The following RABGEF1 variants were observed in gnomAD, a reference collection of about 807,000 sequenced individuals.
The protein encoded by RABGEF1 is rab5 GDP/GTP exchange factor.
In RABGEF1, 26 loss-of-function variants were observed where a neutral mutation model predicts 57.3. The observed-to-expected ratio is 0.45, with a 90% CI of 0.33 to 0.63. RABGEF1 has a LOEUF of 0.63. RABGEF1 is among the 20% of genes least tolerant of loss of function. The pLI, the probability that RABGEF1 is intolerant of heterozygous loss-of-function variation, is 0.02. For missense variants in RABGEF1, 464 were observed against 607.6 expected (o/e 0.76, Z 2.48); for synonymous variants, 185 against 210.7 (o/e 0.88, Z 1.06).
chr7:66,794,307 C>T (rs1444441755), intron 4 of RABGEF1, among the ~76,000 whole-genome samples: 2 of 126,750 alleles, frequency 1.6e-5, no homozygotes, highest in Non-Finnish European at 3.3e-5. Flanking sequence ...TCTCCCCTTT[C>T]TTTCTTTCCT....
At chr7:66,762,112 G>T (rs1392673615) in intron 1 of RABGEF1, among the ~76,000 whole-genome samples, 1 of 151,876 alleles carries the variant, frequency 6.6e-6, no homozygotes, top group African/African-American at 2.4e-5. Flanking sequence ...GGCTATGGTA[G>T]TTACCAGCCA....
the RABGEF1 span, among the ~76,000 whole-genome samples, chr7:66,675,819 C>T: frequency 6.6e-6 from 1 of 152,054 alleles, no homozygotes; most frequent in South Asian, 2.1e-4. Context: ...AAGAACATTT[C>T]ATGTATGACA....
intron 4 of RABGEF1, among the ~76,000 whole-genome samples, chr7:66,792,669 G>GCAGT (rs1812997617): frequency 6.6e-6 from 1 of 152,110 alleles, no homozygotes; most frequent in African/African-American, 2.4e-5. Context: ...CAAAACAAAG[G>GCAGT]CAGTCATTGC....
the RABGEF1 span, among the ~76,000 whole-genome samples, chr7:66,676,695 C>T: frequency 1.3e-5 from 2 of 152,284 alleles, no homozygotes; most frequent in Middle Eastern, 3.4e-3. Flanking sequence ...TCAAGCGATT[C>T]TGCCACCTCA....
intron 1 of RABGEF1, among the ~76,000 whole-genome samples, chr7:66,760,916 A>G (rs985498919): frequency 2.0e-5 from 3 of 152,234 alleles, no homozygotes; most frequent in Middle Eastern, 3.4e-3. Context: ...GGCGTGAACC[A>G]TTGCACCTGG....
chr7:66,807,199 T>C (rs1478846964), intron 8 of RABGEF1, among the ~76,000 whole-genome samples: 1 of 152,028 alleles, frequency 6.6e-6, no homozygotes, highest in African/African-American at 2.4e-5. Flanking sequence ...CTTAAGTACA[T>C]TTGTGCCTTC....
At chr7:66,701,184 CAG>C (rs1347231375) in intron 1 of RABGEF1, among the ~76,000 whole-genome samples, 2 of 152,142 alleles carry the variant, frequency 1.3e-5, no homozygotes, top group African/African-American at 4.8e-5. Context: ...GTGTCACCAA[CAG>C]GGCAGGATTT....
At chr7:66,744,535 G>A (rs1400073652) in intron 1 of RABGEF1, among the ~76,000 whole-genome samples, 1 of 151,830 alleles carries the variant, frequency 6.6e-6, no homozygotes, top group East Asian at 1.9e-4. Context: ...GGGCATGGTG[G>A]CAGGCGCCTG....
At chr7:66,705,158 T>C (rs1307781986) in intron 1 of RABGEF1, among the ~76,000 whole-genome samples, 2 of 152,100 alleles carry the variant, frequency 1.3e-5, no homozygotes, top group African/African-American at 2.4e-5. Context: ...CCCAACACTT[T>C]GGGAGGCCGA....
chr7:66,795,769 G>T (rs529067463), intron 5 of RABGEF1, among the ~76,000 whole-genome samples, 177 bp downstream of exon 5: 1 of 152,180 alleles, frequency 6.6e-6, no homozygotes, highest in Admixed American at 6.5e-5. Context: ...TGTACCATGC[G>T]TATCTTTCCA....
intron 1 of RABGEF1, among the ~76,000 whole-genome samples, chr7:66,754,202 CTA>C (rs1802166226): frequency 6.6e-6 from 1 of 151,726 alleles, no homozygotes; most frequent in Non-Finnish European, 1.5e-5. Context: ...CGGGGTTTCA[CTA>C]TGTTAGCCAG....
chr7:66,720,593 A>T (rs529090154), intron 2 of RABGEF1, among the ~76,000 whole-genome samples: 24 of 152,242 alleles, frequency 1.6e-4, no homozygotes, highest in African/African-American at 5.3e-4. Flanking sequence ...TAAAGCTAAT[A>T]TTTTAATGGA....
intron 1 of RABGEF1, among the ~76,000 whole-genome samples, chr7:66,685,152 GCTT>G (rs1338174677): frequency 8.7e-6 from 1 of 115,110 alleles, no homozygotes; most frequent in African/African-American, 3.0e-5. Flanking sequence ...TGGATTATTT[GCTT>G]TTTTTTTTTT....
intron 2 of RABGEF1, among the ~76,000 whole-genome samples, chr7:66,712,957 G>A (rs1331348739): frequency 6.6e-6 from 1 of 151,724 alleles, no homozygotes; most frequent in Non-Finnish European, 1.5e-5. Flanking sequence ...TGGGACTACA[G>A]GTGTGCCACT....
upstream of RABGEF1, among the ~76,000 whole-genome samples, chr7:66,678,330 C>G (rs556048604): frequency 6.6e-6 from 1 of 152,094 alleles, no homozygotes; most frequent in South Asian, 2.1e-4. Context: ...CTTTGGGAGG[C>G]CGAGGTGGGC....
At chr7:66,803,064 AAGT>A (rs2129185181) in intron 7 of RABGEF1, among the ~76,000 whole-genome samples, 1 of 152,350 alleles carries the variant, frequency 6.6e-6, no homozygotes, top group South Asian at 2.1e-4. Context: ...AGTTCCATAT[AAGT>A]AGAAAAAGAA....
intron 2 of RABGEF1, among the ~76,000 whole-genome samples, chr7:66,772,917 A>AAAATAAAT (rs573961218): frequency 6.6e-6 from 1 of 151,124 alleles, no homozygotes; most frequent in Admixed American, 6.6e-5. Flanking sequence ...GTCTCAAAAA[A>AAAATAAAT]AAATAAATAA....
In RABGEF1 at chr7:66,754,371, CT is replaced by C. The variant is rs113278671; in HGVS notation, c.-18+13594del. On this transcript the variant is annotated intron_variant, in intron 1 of 8. Transcript: ENST00000284957. Reference sequence around the variant, plus strand: ...CTAGGTGGCAGGTTTTTTCTTTCAGCTTTTTTTTTTTTTTTAAAGCCATCAT... The same window carrying C: ...CTAGGTGGCAGGTTTTTTCTTTCAGCTTTTTTTTTTTTTTAAAGCCATCAT... Among the ~76,000 whole-genome samples, 1,353 of 142,460 alleles carry C rather than the reference CT, an allele frequency of 9.5e-3. 6 individuals are homozygous for C. The highest frequency in any genetic ancestry group is 0.014 in the Middle Eastern group (4 of 278). The allele number at this position is 142,460 out of a possible 152,430, so 93.5% of individuals were successfully genotyped here.
the RABGEF1 span, among the ~76,000 whole-genome samples, chr7:66,664,077 GA>G: frequency 0.042 from 3,266 of 77,966 alleles, 54 homozygotes; most frequent in African/African-American, 0.1. Flanking sequence ...GTCTCAAAAA[GA>G]AAAAAAAAAA....
Sources: gnomAD v4.1 joint callset for allele counts (sites outside exome capture counted in the v4.1 genomes callset) on GRCh38, gnomAD v4.1.1 for gene constraint, MANE v1.5 for transcripts, NCBI Gene and HGNC (gene_info 2026-07-23, HGNC 2026-07-21) for gene names.